The following DPYD variants were observed in gnomAD, a reference collection of about 807,000 sequenced individuals.
DPYD encodes dihydropyrimidine dehydrogenase.
In DPYD, 109 loss-of-function variants were observed where a neutral mutation model predicts 116.2. The observed-to-expected ratio is 0.94, with a 90% CI of 0.80 to 1.10. The LOEUF (loss-of-function observed/expected upper bound fraction) is 1.10, where lower values mean the gene tolerates loss of function less well. Ranked by LOEUF, DPYD falls within the 50% of genes least tolerant of loss-of-function variation. The probability of loss-of-function intolerance (pLI) is 0.00; values close to 1 mark genes in which losing one functional copy is unlikely to be tolerated. For missense variants in DPYD, 1,302 were observed against 1,254.5 expected (o/e 1.04, Z -0.57); for synonymous variants, 440 against 432.0 (o/e 1.02, Z -0.23).
chr1:97,581,054 T>A (rs1439836418), intron 10 of DPYD, among the ~76,000 whole-genome samples: 1 of 151,942 alleles, frequency 6.6e-6, no homozygotes. Context: ...CTGATTAAAA[T>A]TTGGCCTTTG....
chr1:97,474,038 GA>G (rs903061069), intron 13 of DPYD, among the ~76,000 whole-genome samples: 2 of 141,226 alleles, frequency 1.4e-5, no homozygotes, highest in African/African-American at 5.2e-5. Context: ...AAAAAGGAAA[GA>G]AAATGAAAAA....
At chr1:97,642,421 C>T (rs1657975329) in intron 8 of DPYD, among the ~76,000 whole-genome samples, 2 of 151,856 alleles carry the variant, frequency 1.3e-5, no homozygotes, top group Admixed American at 6.6e-5. Flanking sequence ...AGAACAGAGG[C>T]CTCAGAAATA....
At chr1:97,631,315 T>C (rs2100794546) in intron 8 of DPYD, among the ~76,000 whole-genome samples, 1 of 152,232 alleles carries the variant, frequency 6.6e-6, no homozygotes, top group African/African-American at 2.4e-5. Flanking sequence ...TCAGGCTGGC[T>C]TAAAGCATAG....
intron 19 of DPYD, among the ~76,000 whole-genome samples, chr1:97,223,273 C>A (rs1405630396): frequency 6.6e-6 from 1 of 152,022 alleles, no homozygotes; most frequent in Non-Finnish European, 1.5e-5. Flanking sequence ...CAGCGAGTGG[C>A]CGTCATGTGA....
intron 20 of DPYD, among the ~76,000 whole-genome samples, chr1:97,155,956 T>C (rs1290709416): frequency 2.6e-5 from 4 of 152,166 alleles, no homozygotes; most frequent in African/African-American, 7.2e-5. Context: ...TGTGATTCCA[T>C]AGCTGTGGAG....
chr1:97,367,269 C>T lies in DPYD; in HGVS notation c.2058+6292G>A, dbSNP rs746503651. Reference sequence around the variant, plus strand: ...TGGCATGTTGAAACAGAAACAAAGCCTCTCTCTTTTTTTTAAAAAAAAAAA... The same window carrying T: ...TGGCATGTTGAAACAGAAACAAAGCTTCTCTCTTTTTTTTAAAAAAAAAAA... On this transcript the variant is annotated intron_variant, in intron 16 of 22. Coordinates refer to ENST00000370192, the MANE Select transcript of DPYD (RefSeq NM_000110.4). Among the ~76,000 whole-genome samples, 3 of 151,208 alleles carry T rather than the reference C, an allele frequency of 2.0e-5. No individual in the cohort carries two copies. In the East Asian group the frequency reaches 5.8e-4, roughly 29 times the overall value.
intron 19 of DPYD, among the ~76,000 whole-genome samples, chr1:97,231,591 T>C (rs595937): frequency 0.74 from 112,624 of 152,032 alleles, 43,119 homozygotes; most frequent in East Asian, 0.99. Context: ...CCCCATGATT[T>C]AACTACCTCC....
chr1:97,668,936 T>G (rs1011477312), intron 8 of DPYD, among the ~76,000 whole-genome samples: 4 of 152,208 alleles, frequency 2.6e-5, no homozygotes, highest in African/African-American at 7.2e-5. Context: ...ATTCTCATAA[T>G]GGATGTATTA....
At chr1:97,409,789 C>G (rs1673872556) in intron 14 of DPYD, among the ~76,000 whole-genome samples, 1 of 152,128 alleles carries the variant, frequency 6.6e-6, no homozygotes, top group Non-Finnish European at 1.5e-5. Context: ...GTCACTGTCT[C>G]AGTGGCACTC....
intron 18 of DPYD, among the ~76,000 whole-genome samples, chr1:97,297,858 C>A (rs890715644): frequency 3.3e-5 from 5 of 152,210 alleles, no homozygotes; most frequent in Non-Finnish European, 5.9e-5. Flanking sequence ...GCCTAACTCA[C>A]ACCTGTTTCC....
intron 14 of DPYD, among the ~76,000 whole-genome samples, chr1:97,441,933 T>G (rs1675819409): frequency 6.6e-6 from 1 of 152,188 alleles, no homozygotes; most frequent in Admixed American, 6.5e-5. Flanking sequence ...CAATACTTAA[T>G]TAAGAGTCTT....
intron 18 of DPYD, among the ~76,000 whole-genome samples, chr1:97,246,883 A>T (rs1662756991): frequency 6.6e-6 from 1 of 152,180 alleles, no homozygotes; most frequent in Non-Finnish European, 1.5e-5. Flanking sequence ...ATTGTTAATT[A>T]TTAATAAATT....
At chr1:97,749,649 C>A (rs924799423) in intron 3 of DPYD, among the ~76,000 whole-genome samples, 2 of 152,134 alleles carry the variant, frequency 1.3e-5, no homozygotes, top group Admixed American at 6.5e-5. Context: ...TAACACGTAG[C>A]CATATTCTGA....
At chr1:97,229,248 TAA>T (rs1261777617) in intron 19 of DPYD, among the ~76,000 whole-genome samples, 16 of 85,998 alleles carry the variant, frequency 1.9e-4, no homozygotes, top group Non-Finnish European at 1.5e-4. Context: ...TGATGGGAAG[TAA>T]AAAAAAAAAA....
intron 2 of DPYD, among the ~76,000 whole-genome samples, chr1:97,839,164 C>T (rs1669919846): frequency 6.6e-6 from 1 of 152,300 alleles, no homozygotes; most frequent in Admixed American, 6.5e-5. Context: ...ATTAACCTTC[C>T]TTCCTTTCAC....
chr1:97,302,467 C>T (rs1425898000), intron 18 of DPYD, among the ~76,000 whole-genome samples: 1 of 151,722 alleles, frequency 6.6e-6, no homozygotes, highest in African/African-American at 2.4e-5. Flanking sequence ...TAAGCACCGC[C>T]CCCCAGAGTT....
intron 3 of DPYD, among the ~76,000 whole-genome samples, chr1:97,783,355 G>T (rs923950534): frequency 2.0e-5 from 3 of 152,040 alleles, no homozygotes; most frequent in Non-Finnish European, 4.4e-5. Context: ...AATAAGGAAA[G>T]AATACAGCTT....
At chr1:97,534,393 C>T (rs184392494) in intron 12 of DPYD, among the ~76,000 whole-genome samples, 6 of 152,212 alleles carry the variant, frequency 3.9e-5, no homozygotes, top group Non-Finnish European at 7.4e-5. Context: ...TGTGTTCTGA[C>T]TTCCACATGC....
chr1:97,919,815 T>C (rs1674413404), intron 1 of DPYD, among the ~76,000 whole-genome samples: 1 of 152,164 alleles, frequency 6.6e-6, no homozygotes, highest in African/African-American at 2.4e-5. Context: ...ACTAAAATGA[T>C]TTTTCAAACC....
Sources: gnomAD v4.1 joint callset for allele counts (sites outside exome capture counted in the v4.1 genomes callset) on GRCh38, gnomAD v4.1.1 for gene constraint, MANE v1.5 for transcripts, NCBI Gene and HGNC (gene_info 2026-07-23, HGNC 2026-07-21) for gene names.